The following DPM1 variants were observed in gnomAD, a reference collection of about 807,000 sequenced individuals.
DPM1 encodes the protein dolichol-phosphate mannosyltransferase subunit 1.
DPM1 carries 27 observed loss-of-function variants against 39.0 expected under a neutral mutation model. The observed-to-expected ratio is 0.69, with a 90% confidence interval of 0.51 to 0.95. The LOEUF (loss-of-function observed/expected upper bound fraction) is 0.95, where lower values mean the gene tolerates loss of function less well. Among genes scored for constraint, DPM1 ranks in the 40% least tolerant of loss-of-function variants. The pLI is 0.00. For synonymous variants in DPM1, 124 were observed against 109.0 expected (o/e 1.14, Z -0.86); for missense variants, 307 against 315.6 (o/e 0.97, Z 0.21).
chr20:50,940,439 GAAC>G (rs1985631235), intron 7 of DPM1, among the ~76,000 whole-genome samples: 1 of 152,078 alleles, frequency 6.6e-6, no homozygotes, highest in Admixed American at 6.5e-5. Flanking sequence ...TGTCCAAATT[GAAC>G]AACAAAAATT....
In DPM1 at chr20:50,936,318, T is replaced by C. The variant is rs1985154788; in HGVS notation, c.564-56A>G. 5.1e-6 allele frequency: 6 copies of C among 1,177,846 alleles called. 1 individual carries two copies. In the South Asian group the frequency reaches 7.6e-5, roughly 15 times the overall value. The allele number at this position is 1,177,846 out of a possible 1,614,324, so 73.0% of individuals were successfully genotyped here. Reference sequence around the variant, plus strand: ...CTGGATAAATACACATGCCTATGTATCCTGACCTTTCAAAGAGTTCACTGG... The same window carrying C: ...CTGGATAAATACACATGCCTATGTACCCTGACCTTTCAAAGAGTTCACTGG... On this transcript the variant is annotated intron_variant, in intron 7 of 8. Transcript: ENST00000371588.
intron 3 of DPM1, among the ~76,000 whole-genome samples, chr20:50,946,750 G>A (rs1986309463): frequency 2.0e-5 from 3 of 152,182 alleles, no homozygotes; most frequent in East Asian, 1.9e-4. Flanking sequence ...TATGAGCAAG[G>A]CTGAACTCTT....
In DPM1 at chr20:50,941,470, G is replaced by A. The variant is rs1985818941; in HGVS notation, c.495-537C>T. 2.0e-5 allele frequency among the ~76,000 whole-genome samples: 3 copies of A among 148,636 alleles called. No homozygotes were observed. In the South Asian group the frequency reaches 6.3e-4, roughly 31 times the overall value. On this transcript the variant is annotated intron_variant, in intron 6 of 8. Coordinates refer to ENST00000371588, the MANE Select transcript of DPM1 (RefSeq NM_003859.3). Reference sequence around the variant, plus strand: ...GTACGTGCCTGCAGTCCCAGCTACTGGGAAGCTGAGGCAGGCAGATCACCT... The same window carrying A: ...GTACGTGCCTGCAGTCCCAGCTACTAGGAAGCTGAGGCAGGCAGATCACCT...
chr20:50,938,488 T>C (rs1234906575), intron 7 of DPM1, among the ~76,000 whole-genome samples: 11 of 151,308 alleles, frequency 7.3e-5, no homozygotes, highest in Admixed American at 7.2e-4. Context: ...GTTCACGCCA[T>C]TCTCCTGCCT....
chr20:50,949,855 T>C (rs1190148122), intron 2 of DPM1, among the ~76,000 whole-genome samples: 1 of 152,158 alleles, frequency 6.6e-6, no homozygotes, highest in Non-Finnish European at 1.5e-5. Context: ...TCTATGTGTA[T>C]CCTTACAAGT....
At chr20:50,942,222 C>T in intron 5 of DPM1, 96 bp from the exon 6 acceptor site, 2 of 1,147,204 alleles carry the variant, frequency 1.7e-6, no homozygotes, top group Non-Finnish European at 2.6e-6. Context: ...GAGAAGTCGA[C>T]ACAGGCTGGG....
At chr20:50,952,865 A>G (rs887274656) in intron 2 of DPM1, among the ~76,000 whole-genome samples, 1 of 152,242 alleles carries the variant, frequency 6.6e-6, no homozygotes, top group African/African-American at 2.4e-5. Context: ...AGTTCTAAGA[A>G]TCTACCACAC....
At chr20:50,940,832 G>C (rs377736759) in intron 7 of DPM1, 33 bp downstream of exon 7, 10 of 1,499,126 alleles carry the variant, frequency 6.7e-6, no homozygotes, top group Non-Finnish European at 8.4e-6. Flanking sequence ...TAGCCAAGAA[G>C]TTATATAAAA....
chr20:50,940,088 G>T (rs1156475599), intron 7 of DPM1, among the ~76,000 whole-genome samples: 4 of 37,992 alleles, frequency 1.1e-4, no homozygotes, highest in African/African-American at 5.1e-4. Flanking sequence ...GTCCTAATTT[G>T]TGTGTGTGTG....
At chr20:50,949,668 T>C (rs1986476623) in intron 2 of DPM1, among the ~76,000 whole-genome samples, 1 of 152,220 alleles carries the variant, frequency 6.6e-6, no homozygotes, top group Non-Finnish European at 1.5e-5. Context: ...TGAGCATGTC[T>C]TGTCTATCTT....
intron 2 of DPM1, among the ~76,000 whole-genome samples, chr20:50,949,437 C>G (rs1986466454): frequency 6.6e-6 from 1 of 152,168 alleles, no homozygotes; most frequent in Non-Finnish European, 1.5e-5. Context: ...GACCTCATCT[C>G]CTCTACTGGT....
Position 50,934,915 on chromosome 20 carries a change from C to A in DPM1, c.*217G>T. 1 of 452,336 alleles carries A rather than the reference C, an allele frequency of 2.2e-6. No homozygotes were observed. The allele number at this position is 452,336 out of a possible 1,614,324, so 28.0% of individuals were successfully genotyped here. On this transcript the variant is annotated 3_prime_UTR_variant, in exon 9 of 9. Coordinates refer to ENST00000371588, the MANE Select transcript of DPM1 (RefSeq NM_003859.3). ...CATTTATTTATAGGTCTCAATACAGCAAAATGAAAACGAAAATTGAGAACA... is the reference window on the plus strand; with the variant it reads ...CATTTATTTATAGGTCTCAATACAGAAAAATGAAAACGAAAATTGAGAACA...
intron 8 of DPM1, 26 bp downstream of exon 8, chr20:50,936,122 C>T (rs897621405): frequency 6.7e-6 from 10 of 1,496,498 alleles, no homozygotes; most frequent in Non-Finnish European, 9.3e-6. Flanking sequence ...AGGAACATGA[C>T]ACACTATTTA....
At chr20:50,941,401 T>TTA (rs1218650307) in intron 6 of DPM1, among the ~76,000 whole-genome samples, 28 of 143,696 alleles carry the variant, frequency 1.9e-4, no homozygotes, top group Middle Eastern at 3.6e-3. Context: ...TATATTCATA[T>TTA]TATATATATA....
chr20:50,935,373 A>G (rs1420927733), intron 8 of DPM1, 137 bp from the exon 9 acceptor site: 2 of 650,240 alleles, frequency 3.1e-6, no homozygotes, highest in East Asian at 2.7e-5. Flanking sequence ...AAATTAGGGG[A>G]TTATGAAAGC....
chr20:50,958,272 G>A, intron 1 of DPM1, 91 bp downstream of exon 1: 2 of 1,541,624 alleles, frequency 1.3e-6, no homozygotes, highest in South Asian at 1.2e-5. Context: ...AAGAAGGCTG[G>A]ACAGGGCCGC....
In DPM1 at chr20:50,958,403, G is replaced by T; in HGVS notation, c.121C>A (p.Pro41Thr). The change falls in exon 1 of 9, where the codon CCG becomes ACG. Residue 41 changes from proline (P) to threonine (T), a missense_variant. This residue lies in a region of DPM1 where 206 missense variants were observed against 188.2 expected (regional missense o/e 1.09). Transcript: ENST00000371588. ...TTCACCAGCAGCCACACGATGAGCGGCAGGTTCTCGCGCTCGTTGTAGGTA... is the reference window on the plus strand; with the variant it reads ...TTCACCAGCAGCCACACGATGAGCGTCAGGTTCTCGCGCTCGTTGTAGGTA... Reference protein sequence around the residue: ...LPTYNERENLPLIVWLLVKSF... With the variant: ...LPTYNERENLTLIVWLLVKSF... 6.2e-7 allele frequency: 1 copy of T among 1,614,064 alleles called. No individual in the cohort carries two copies.
chr20:50,934,975 A>G lies in DPM1; in HGVS notation c.*157T>C. On this transcript the variant is annotated 3_prime_UTR_variant, in exon 9 of 9. Coordinates refer to ENST00000371588, the MANE Select transcript of DPM1 (RefSeq NM_003859.3). Reference sequence around the variant, plus strand: ...AGGCCAGCAACTTTAAAATTATTTAATTTGAAATATAAAATAGGTGGTCTT... The same window carrying G: ...AGGCCAGCAACTTTAAAATTATTTAGTTTGAAATATAAAATAGGTGGTCTT... 1.8e-6 allele frequency: 1 copy of G among 567,542 alleles called. No individual in the cohort carries two copies. The highest frequency in any genetic ancestry group is 3.2e-6 in the Non-Finnish European group (1 of 317,082). The allele number at this position is 567,542 out of a possible 1,614,324, so 35.2% of individuals were successfully genotyped here.
intron 6 of DPM1, 80 bp downstream of exon 6, chr20:50,941,951 A>G: frequency 1.6e-6 from 2 of 1,215,938 alleles, no homozygotes; most frequent in Non-Finnish European, 2.4e-6. Context: ...CCCGGGCAGC[A>G]TGATAGCTAA....
Sources: allele counts gnomAD v4.1 joint callset (sites outside exome capture counted in the v4.1 genomes callset), GRCh38; gene constraint gnomAD v4.1.1; regional missense constraint gnomAD v4.1.1; transcripts MANE v1.5; gene names NCBI Gene and HGNC (gene_info 2026-07-23, HGNC 2026-07-21).